OTOG: variants seen among roughly 807,000 people sequenced by gnomAD.
OTOG encodes otogelin.
A neutral mutation model predicts 313.8 loss-of-function variants in OTOG; 296 were observed. That is an observed-to-expected ratio of 0.94 (90% CI 0.86 to 1.04). The LOEUF (loss-of-function observed/expected upper bound fraction) is 1.04, where lower values mean the gene tolerates loss of function less well. OTOG is among the 50% of genes least tolerant of loss of function. The pLI is 0.00. For missense variants in OTOG, 3,948 were observed against 3,840.1 expected, an observed-to-expected ratio of 1.03 and a Z score of -0.74; for synonymous variants, 1,533 against 1,554.9, an observed-to-expected ratio of 0.99 and a Z score of 0.33.
intron 23 of OTOG, among the ~76,000 whole-genome samples, chr11:17,585,326 A>G (rs1852767049): frequency 1.3e-5 from 2 of 152,178 alleles, no homozygotes; most frequent in South Asian, 4.1e-4. Flanking sequence ...TTTTCCTTTT[A>G]CTATCAGTAG....
chr11:17,554,203 C>T (rs540276524), intron 6 of OTOG, among the ~76,000 whole-genome samples: 7 of 152,284 alleles, frequency 4.6e-5, no homozygotes, highest in African/African-American at 1.7e-4. Context: ...GATCTCCTGA[C>T]CTTCCAAGCT....
At chr11:17,571,844 T>G (rs1027881732) in intron 17 of OTOG, among the ~76,000 whole-genome samples, 1 of 152,174 alleles carries the variant, frequency 6.6e-6, no homozygotes, top group Non-Finnish European at 1.5e-5. Flanking sequence ...TGGACCACTT[T>G]GGCTATATGC....
chr11:17,576,754 A>T, intron 21 of OTOG, 114 bp from the exon 22 acceptor site: 2 of 1,454,450 alleles, frequency 1.4e-6, no homozygotes, highest in Non-Finnish European at 1.9e-6. Flanking sequence ...AGGGAGGGGG[A>T]AGTGAGTGAG....
At chr11:17,594,721 G>A (rs539809117) in intron 28 of OTOG, among the ~76,000 whole-genome samples, 1 of 152,366 alleles carries the variant, frequency 6.6e-6, no homozygotes, top group South Asian at 2.1e-4. Context: ...TCTGTGAGCT[G>A]TGGGGGAAAC....
intron 15 of OTOG, among the ~76,000 whole-genome samples, chr11:17,568,192 C>G (rs1438044934): frequency 1.3e-5 from 2 of 152,126 alleles, no homozygotes; most frequent in East Asian, 3.9e-4. Flanking sequence ...CAGGCGTGAG[C>G]CACCGCACCC....
intron 23 of OTOG, among the ~76,000 whole-genome samples, chr11:17,581,590 A>G (rs997114760): frequency 6.6e-6 from 1 of 151,806 alleles, no homozygotes; most frequent in Non-Finnish European, 1.5e-5. Flanking sequence ...TTGATGCCTC[A>G]CTCTTTTTTC....
At chr11:17,638,788 G>A in intron 48 of OTOG, 2 of 1,509,918 alleles carry the variant, frequency 1.3e-6, no homozygotes. Flanking sequence ...TTCCAAAGAG[G>A]GTTTCCGTCT....
At chr11:17,599,805 C>A in intron 31 of OTOG, 108 bp downstream of exon 31, 8 of 1,340,722 alleles carry the variant, frequency 6.0e-6, no homozygotes, top group Non-Finnish European at 8.3e-6. Flanking sequence ...CCTGGAAGAG[C>A]CGTGACCCGG....
chr11:17,594,308 A>G, intron 28 of OTOG, 142 bp downstream of exon 28: 1 of 1,109,348 alleles, frequency 9.0e-7, no homozygotes, highest in Non-Finnish European at 1.3e-6. Flanking sequence ...CTGCATCCCT[A>G]GCCCTAGACT....
chr11:17,598,755 C>G (rs1034789125), intron 30 of OTOG, among the ~76,000 whole-genome samples: 3 of 152,220 alleles, frequency 2.0e-5, no homozygotes, highest in African/African-American at 7.2e-5. Context: ...TGGGTATACC[C>G]TGGAAACCAG....
Position 17,581,141 on chromosome 11 carries a change from C to T in OTOG, c.2759+2615C>T, listed in dbSNP as rs139920065. Reference sequence around the variant, plus strand: ...ATATAAACATGAATCTACCTGAGCACCCAGCAGTTCACCCTGAAGTGTTCA... The same window carrying T: ...ATATAAACATGAATCTACCTGAGCATCCAGCAGTTCACCCTGAAGTGTTCA... On this transcript the variant is annotated intron_variant, in intron 23 of 55. Transcript: ENST00000399397. Among the ~76,000 whole-genome samples, 182 of 152,200 alleles carry T rather than the reference C, an allele frequency of 1.2e-3. 1 individual carries two copies. Among genetic ancestry groups the T allele is most frequent in the African/African-American group, 4.3e-3 (177 of 41,514 alleles).
At chr11:17,584,405 C>T (rs1852745032) in intron 23 of OTOG, among the ~76,000 whole-genome samples, 3 of 152,178 alleles carry the variant, frequency 2.0e-5, no homozygotes, top group Non-Finnish European at 4.4e-5. Flanking sequence ...CAATCTTCTA[C>T]CATTAATTCT....
chr11:17,643,407 G>T, intron 53 of OTOG, 54 bp from the exon 54 acceptor site: 1 of 1,264,688 alleles, frequency 7.9e-7, no homozygotes, highest in South Asian at 2.0e-5. Context: ...CTTGGCTCCC[G>T]GCCTGGACAG....
At chr11:17,594,341 T>A (rs931279559) in intron 28 of OTOG, among the ~76,000 whole-genome samples, 175 bp downstream of exon 28, 1 of 152,186 alleles carries the variant, frequency 6.6e-6, no homozygotes, top group Non-Finnish European at 1.5e-5. Flanking sequence ...CCAAAGATCA[T>A]GCATAGTCTT....
At position 17,553,113 on chromosome 11, in the gene OTOG, A is replaced by C; in HGVS notation, c.293-6A>C. 1 of 1,550,442 alleles carries C rather than the reference A, an allele frequency of 6.4e-7. No homozygotes were observed. The highest frequency in any genetic ancestry group is 8.7e-7 in the Non-Finnish European group (1 of 1,146,936). ...ATGGGGCAATGACTCTGTGTCTCCC[A>C]TGCAGACTTGTTCTCCTGCTTCAAT... On this transcript the variant is annotated splice_polypyrimidine_tract_variant and splice_region_variant and intron_variant, in intron 4 of 55. Transcript: ENST00000399397.
chr11:17,589,173 G>A (rs1237573709), intron 24 of OTOG, among the ~76,000 whole-genome samples: 1 of 152,072 alleles, frequency 6.6e-6, no homozygotes, highest in African/African-American at 2.4e-5. Context: ...TGCAAAACCC[G>A]GCTTCCAGCT....
intron 15 of OTOG, 53 bp from the exon 16 acceptor site, chr11:17,569,103 T>C: frequency 1.3e-6 from 2 of 1,547,050 alleles, no homozygotes; most frequent in Non-Finnish European, 1.7e-6. Flanking sequence ...CTCTGTTGTA[T>C]CCAGCAGGAG....
intron 15 of OTOG, among the ~76,000 whole-genome samples, chr11:17,563,569 T>C (rs1852234249): frequency 6.6e-6 from 1 of 152,200 alleles, no homozygotes; most frequent in South Asian, 2.1e-4. Context: ...GTCATTCCCA[T>C]CACATCCTGA....
At chr11:17,601,756 A>G (rs910477560) in intron 31 of OTOG, among the ~76,000 whole-genome samples, 4 of 152,220 alleles carry the variant, frequency 2.6e-5, no homozygotes, top group Admixed American at 6.5e-5. Flanking sequence ...AAGACTCAAC[A>G]GTGACACGTG....
Sources: allele counts gnomAD v4.1 joint callset (sites outside exome capture counted in the v4.1 genomes callset), GRCh38; gene constraint gnomAD v4.1.1; transcripts MANE v1.5; gene names NCBI Gene and HGNC (gene_info 2026-07-23, HGNC 2026-07-21).